PTPRM: variants seen among roughly 807,000 people sequenced by gnomAD.
PTPRM encodes receptor-type tyrosine-protein phosphatase mu.
Under a neutral mutation model 186.7 loss-of-function variants are expected in PTPRM, and 47 were observed. The observed-to-expected ratio is 0.25, with a 90% CI of 0.20 to 0.32. The LOEUF (loss-of-function observed/expected upper bound fraction) is 0.32, where lower values mean the gene tolerates loss of function less well. Ranked by LOEUF, PTPRM falls within the 10% of genes least tolerant of loss-of-function variation. The pLI is 1.00. For missense variants in PTPRM, 1,494 were observed against 1,865.0 expected, an observed-to-expected ratio of 0.80 and a Z score of 3.66; for synonymous variants, 668 against 674.9, an observed-to-expected ratio of 0.99 and a Z score of 0.16.
intron 15 of PTPRM, among the ~76,000 whole-genome samples, chr18:8,246,639 T>C (rs959894576): frequency 1.3e-5 from 2 of 152,202 alleles, no homozygotes; most frequent in Non-Finnish European, 2.9e-5. Context: ...TGGTACTCAT[T>C]TTTTTCATTC....
chr18:8,184,269 A>G (rs1006768294), intron 14 of PTPRM, among the ~76,000 whole-genome samples: 31 of 152,164 alleles, frequency 2.0e-4, no homozygotes, highest in African/African-American at 7.5e-4. Flanking sequence ...ATCTGTTTCA[A>G]GTTTATTTCA....
At chr18:7,972,580 A>G (rs982980144) in intron 7 of PTPRM, among the ~76,000 whole-genome samples, 4 of 150,664 alleles carry the variant, frequency 2.7e-5, no homozygotes, top group East Asian at 3.9e-4. Context: ...AAAAATATAC[A>G]TATTAAAATA....
intron 7 of PTPRM, among the ~76,000 whole-genome samples, chr18:8,063,146 G>T (rs554419263): frequency 6.6e-6 from 1 of 151,818 alleles, no homozygotes; most frequent in African/African-American, 2.4e-5. Context: ...CCAGGTGTGG[G>T]ATATAGTCTC....
chr18:7,764,208 C>T (rs1251059319), intron 1 of PTPRM, among the ~76,000 whole-genome samples: 3 of 152,140 alleles, frequency 2.0e-5, no homozygotes, highest in African/African-American at 7.2e-5. Context: ...ACTTTCTTCA[C>T]AACCTTTTTG....
intron 14 of PTPRM, among the ~76,000 whole-genome samples, chr18:8,235,078 G>A (rs2147191138): frequency 1.3e-5 from 2 of 152,168 alleles, no homozygotes; most frequent in South Asian, 4.2e-4. Flanking sequence ...TTGGTATTAG[G>A]GAAATGCTGG....
At chr18:8,333,764 C>T (rs950676668) in intron 22 of PTPRM, among the ~76,000 whole-genome samples, 3 of 152,270 alleles carry the variant, frequency 2.0e-5, no homozygotes, top group African/African-American at 7.2e-5. Flanking sequence ...CTGCCAGTGC[C>T]CAAAGGAGGG....
At chr18:8,373,641 A>G (rs956225929) in intron 24 of PTPRM, among the ~76,000 whole-genome samples, 8 of 152,220 alleles carry the variant, frequency 5.3e-5, no homozygotes, top group Non-Finnish European at 1.2e-4. Context: ...CATGTATTAT[A>G]CAAGACAGAA....
intron 11 of PTPRM, among the ~76,000 whole-genome samples, chr18:8,105,152 G>A (rs1245784557): frequency 6.6e-6 from 1 of 152,134 alleles, no homozygotes; most frequent in Non-Finnish European, 1.5e-5. Flanking sequence ...GTCATTGAGT[G>A]GTAAAACTTC....
chr18:7,955,039 A>G (rs1426229589), intron 6 of PTPRM, 82 bp from the exon 7 acceptor site: 3 of 1,356,024 alleles, frequency 2.2e-6, no homozygotes, highest in African/African-American at 2.9e-5. Context: ...TATCTTCTAC[A>G]TTTTAATAAT....
intron 2 of PTPRM, among the ~76,000 whole-genome samples, chr18:7,795,180 T>C (rs1004392643): frequency 6.6e-6 from 1 of 152,192 alleles, no homozygotes; most frequent in African/African-American, 2.4e-5. Flanking sequence ...GCCTCTGATT[T>C]TCTGTTGCCA....
At chr18:7,624,069 A>G (rs1460560197) in intron 1 of PTPRM, among the ~76,000 whole-genome samples, 1 of 152,194 alleles carries the variant, frequency 6.6e-6, no homozygotes, top group East Asian at 1.9e-4. Flanking sequence ...TATACTGGAA[A>G]CTATTATACA....
chr18:8,089,670 T>G (rs2090611255), intron 11 of PTPRM, among the ~76,000 whole-genome samples: 2 of 152,200 alleles, frequency 1.3e-5, no homozygotes, highest in African/African-American at 4.8e-5. Flanking sequence ...ACATTGACAA[T>G]TAAGGCATTA....
chr18:8,293,427 G>A (rs1362428489), intron 19 of PTPRM, among the ~76,000 whole-genome samples: 1 of 152,162 alleles, frequency 6.6e-6, no homozygotes, highest in East Asian at 1.9e-4. Flanking sequence ...GGGTCCCCAC[G>A]TGAAGGCTCA....
At chr18:8,336,628 G>A (rs541922485) in intron 22 of PTPRM, among the ~76,000 whole-genome samples, 1,100 of 86,420 alleles carry the variant, frequency 0.013, 8 homozygotes, top group Non-Finnish European at 0.022. Flanking sequence ...GGGAGGGAGA[G>A]GAGGAGGAGG....
intron 7 of PTPRM, among the ~76,000 whole-genome samples, chr18:8,033,607 C>G (rs1000482100): frequency 1.1e-4 from 17 of 152,092 alleles, no homozygotes; most frequent in African/African-American, 4.1e-4. Context: ...AGAAAAGGTA[C>G]AGTAAAAATG....
chr18:7,719,982 T>C (rs2040416084), intron 1 of PTPRM, among the ~76,000 whole-genome samples: 1 of 152,160 alleles, frequency 6.6e-6, no homozygotes, highest in African/African-American at 2.4e-5. Flanking sequence ...GAGGATCTCT[T>C]GATCGCAAGA....
intron 13 of PTPRM, among the ~76,000 whole-genome samples, chr18:8,129,767 A>C (rs2145922102): frequency 6.6e-6 from 1 of 152,334 alleles, no homozygotes; most frequent in Non-Finnish European, 1.5e-5. Context: ...ATAAGACAGC[A>C]GGATGTAGAG....
chr18:8,127,398 A>G (rs1461859392), intron 13 of PTPRM, among the ~76,000 whole-genome samples: 1 of 146,344 alleles, frequency 6.8e-6, no homozygotes, highest in Non-Finnish European at 1.5e-5. Flanking sequence ...CATGAACGGC[A>G]CTCAGAGTCC....
At chr18:8,036,023 A>C (rs942315552) in intron 7 of PTPRM, among the ~76,000 whole-genome samples, 12 of 152,102 alleles carry the variant, frequency 7.9e-5, no homozygotes, top group African/African-American at 2.9e-4. Flanking sequence ...TGGAGTAAAC[A>C]CTCCAAATAT....
Sources: allele counts gnomAD v4.1 joint callset (sites outside exome capture counted in the v4.1 genomes callset), GRCh38; gene constraint gnomAD v4.1.1; transcripts MANE v1.5; gene names NCBI Gene and HGNC (gene_info 2026-07-23, HGNC 2026-07-21).